The following PFKP variants were observed in gnomAD, a reference collection of about 807,000 sequenced individuals.
PFKP encodes phosphofructokinase, platelet.
Under a neutral mutation model 94.3 loss-of-function variants are expected in PFKP, and 101 were observed. The observed-to-expected ratio is 1.07, with a 90% CI of 0.91 to 1.26. The LOEUF (loss-of-function observed/expected upper bound fraction) is 1.26. Among genes scored for constraint, PFKP ranks in the 50% most tolerant of loss-of-function variants. The pLI is 0.00. For missense variants in PFKP, 1,145 were observed against 1,103.3 expected (o/e 1.04, Z -0.53); for synonymous variants, 573 against 432.6 (o/e 1.32, Z -4.03).
intron 1 of PFKP, among the ~76,000 whole-genome samples, chr10:3,077,913 T>C (rs1333829951): frequency 1.3e-5 from 2 of 152,254 alleles, no homozygotes; most frequent in Admixed American, 6.5e-5. Flanking sequence ...TGACAAGATA[T>C]TCACTTCCCT....
intron 3 of PFKP, among the ~76,000 whole-genome samples, chr10:3,099,612 G>A (rs1419338726): frequency 6.6e-6 from 1 of 152,180 alleles, no homozygotes; most frequent in Non-Finnish European, 1.5e-5. Flanking sequence ...CCACACCTTC[G>A]TGCTGGTCCA....
In PFKP at chr10:3,090,487, A is replaced by G. The variant is rs80041152; in HGVS notation, c.186+8026A>G. 4.6e-3 allele frequency among the ~76,000 whole-genome samples: 702 copies of G among 152,316 alleles called. 5 individuals carry two copies. Among genetic ancestry groups the G allele is most frequent in the African/African-American group, 0.016 (685 of 41,570 alleles). On this transcript the variant is annotated intron_variant, in intron 2 of 21. Coordinates refer to ENST00000381125, the MANE Select transcript of PFKP (RefSeq NM_002627.5). ...CCTTTGACTCCATGGGTGTGTGGCCAGGTAGGGAAACGGGGTCTGCACCTG... is the reference window on the plus strand; with the variant it reads ...CCTTTGACTCCATGGGTGTGTGGCCGGGTAGGGAAACGGGGTCTGCACCTG...
At chr10:3,130,783 T>C (rs1838483410) in intron 17 of PFKP, among the ~76,000 whole-genome samples, 1 of 152,104 alleles carries the variant, frequency 6.6e-6, no homozygotes, top group South Asian at 2.1e-4. Flanking sequence ...GGTCTCAAAC[T>C]TCTGACCTCG....
rs537008046 is a variant in PFKP at position 3,115,515 on chromosome 10, A to T, written c.1372-1261A>T. Among the ~76,000 whole-genome samples the T allele has an allele frequency of 1.0e-3, 131 of 128,504 alleles. 18 individuals carry two copies. The highest frequency in any genetic ancestry group is 3.6e-3 in the African/African-American group (105 of 28,956). 84.3% of individuals were successfully genotyped at this position (128,504 alleles called of 152,430 possible). Reference sequence around the variant, plus strand: ...ATGCTGGGGTGAAGGTGTGTGTCCCACAGCTGAGGATAGGATTGGGGATGC... The same window carrying T: ...ATGCTGGGGTGAAGGTGTGTGTCCCTCAGCTGAGGATAGGATTGGGGATGC... On this transcript the variant is annotated intron_variant, in intron 13 of 21. Transcript: ENST00000381125.
chr10:3,092,871 A>AG (rs931186026), intron 2 of PFKP, among the ~76,000 whole-genome samples: 4 of 152,178 alleles, frequency 2.6e-5, no homozygotes, highest in African/African-American at 9.7e-5. Flanking sequence ...GTCTGAGGAA[A>AG]GGGGTGTGGG....
intron 10 of PFKP, 56 bp from the exon 11 acceptor site, chr10:3,112,166 C>T (rs959167646): frequency 1.3e-5 from 18 of 1,405,778 alleles, no homozygotes; most frequent in Non-Finnish European, 1.6e-5. Context: ...CCTACCCCAT[C>T]CATGATGCAC....
At chr10:3,124,850 G>A (rs1174868015) in intron 16 of PFKP, among the ~76,000 whole-genome samples, 5 of 151,554 alleles carry the variant, frequency 3.3e-5, no homozygotes, top group Admixed American at 6.6e-5. Flanking sequence ...ACACCACCCC[G>A]CTGTGCTGCC....
chr10:3,110,670 TTGTGTGTATG>T (rs1266699384), intron 10 of PFKP, among the ~76,000 whole-genome samples: 2 of 152,056 alleles, frequency 1.3e-5, no homozygotes, highest in African/African-American at 4.8e-5. Context: ...AAAATAGTAT[TTGTGTGTATG>T]TGTGTGAGTG....
chr10:3,106,618 A>C (rs143861956), intron 7 of PFKP, among the ~76,000 whole-genome samples: 1,272 of 8,554 alleles, frequency 0.15, 322 homozygotes, highest in Middle Eastern at 0.31. Context: ...CACCCCTGCC[A>C]CTGCCCCTTC....
chr10:3,126,318 A>C (rs1055195754), intron 16 of PFKP, among the ~76,000 whole-genome samples: 1 of 152,162 alleles, frequency 6.6e-6, no homozygotes, highest in Non-Finnish European at 1.5e-5. Context: ...TGTGTTCCCC[A>C]GTGCTGTGGT....
chr10:3,127,265 CGGG>C (rs1366980661), intron 16 of PFKP, among the ~76,000 whole-genome samples: 4 of 152,244 alleles, frequency 2.6e-5, no homozygotes, highest in Non-Finnish European at 2.9e-5. Context: ...AGCACACAGT[CGGG>C]GGCGTGGCTC....
chr10:3,073,265 C>T (rs983821662), intron 1 of PFKP, among the ~76,000 whole-genome samples: 2 of 151,928 alleles, frequency 1.3e-5, no homozygotes, highest in African/African-American at 2.4e-5. Flanking sequence ...ATCACTCAGT[C>T]TCTGTCTCCT....
chr10:3,117,273 C>T (rs867074670), intron 14 of PFKP, among the ~76,000 whole-genome samples: 10 of 152,154 alleles, frequency 6.6e-5, no homozygotes, highest in African/African-American at 2.4e-5. Context: ...CAGATTTCCA[C>T]AGCCGAGGAA....
chr10:3,078,944 G>A (rs551044825), intron 1 of PFKP, among the ~76,000 whole-genome samples: 5 of 152,324 alleles, frequency 3.3e-5, no homozygotes, highest in East Asian at 1.9e-4. Context: ...ACCTAGAATT[G>A]TGTCTCTTTA....
chr10:3,087,351 C>T (rs762124973), intron 2 of PFKP, among the ~76,000 whole-genome samples: 1 of 152,148 alleles, frequency 6.6e-6, no homozygotes, highest in African/African-American at 2.4e-5. Context: ...CCATGTGACT[C>T]CATGGCCGCA....
Position 3,105,475 on chromosome 10 carries a change from G to T in PFKP, c.748G>T (p.Glu250Ter). 1.2e-6 allele frequency: 2 copies of T among 1,613,788 alleles called. No individual in the cohort carries two copies. Among genetic ancestry groups the T allele is most frequent in the Non-Finnish European group, 1.7e-6 (2 of 1,179,746 alleles). ...PESPPEEGWE[E>*]QMCVKLSENR... ...ATCTCCACCAGAGGAAGGCTGGGAG[G>T]AGCAGATGTGTGTCAAACTCTCGGA... is the stretch of plus-strand genomic sequence containing the variant. The change falls in exon 7 of 22, where the codon GAG becomes TAG. Residue 250 changes from glutamate to a stop codon, truncating the protein, a stop_gained. Coordinates refer to ENST00000381125, the MANE Select transcript of PFKP (RefSeq NM_002627.5). LOFTEE classifies it high-confidence loss of function.
chr10:3,105,376 T>A lies in PFKP; in HGVS notation c.666-17T>A. On this transcript the variant is annotated splice_polypyrimidine_tract_variant and intron_variant, in intron 6 of 21. Transcript: ENST00000381125. ...GGATCCTTCTGGGGTGTTGATGCTG[T>A]TGCCTTGTCCACATAGGTACCTGGC... The A allele has an allele frequency of 6.2e-7, 1 of 1,600,344 alleles. No individual in the cohort carries two copies. Among genetic ancestry groups the A allele is most frequent in the South Asian group, 1.1e-5 (1 of 90,796 alleles).
At chr10:3,104,894 A>G in intron 5 of PFKP, 2 of 619,624 alleles carry the variant, frequency 3.2e-6, no homozygotes, top group Non-Finnish European at 5.7e-6. Flanking sequence ...AGGTGGCTCA[A>G]GTCCCCTTCC....
In PFKP at chr10:3,068,635, T is replaced by A. The variant is rs185455492; in HGVS notation, c.112+928T>A. 4.1e-6 allele frequency: 4 copies of A among 984,252 alleles called. No individual in the cohort carries two copies. The African/African-American group carries it at 5.2e-5, about 13-fold the overall frequency. The allele number at this position is 984,252 out of a possible 1,614,324, so 61.0% of individuals were successfully genotyped here. The stretch of plus-strand genomic sequence containing the variant: ...GGGCGCGCCGGGAGGATATTTAACA[T>A]TGAAGAGCGGAAGGTGGCGGAGACT... On this transcript the variant is annotated intron_variant, in intron 1 of 21. Coordinates refer to ENST00000381125, the MANE Select transcript of PFKP (RefSeq NM_002627.5).
Sources: gnomAD v4.1 joint callset for allele counts (sites outside exome capture counted in the v4.1 genomes callset) on GRCh38, gnomAD v4.1.1 for gene constraint, MANE v1.5 for transcripts, NCBI Gene and HGNC (gene_info 2026-07-23, HGNC 2026-07-21) for gene names.